Variants in MGMT observed in about 807,000 individuals in gnomAD.
The protein encoded by MGMT is O-6-methylguanine-DNA methyltransferase, also known as methylated-DNA--protein-cysteine methyltransferase.
In MGMT, 14 loss-of-function variants were observed where a neutral mutation model predicts 15.9. That is an observed-to-expected ratio of 0.88 (90% CI 0.58 to 1.37). MGMT has a LOEUF of 1.37. MGMT is among the 40% of genes most tolerant of loss of function. MGMT has a pLI of 0.00. For synonymous variants in MGMT, 130 were observed against 118.2 expected (o/e 1.10, Z -0.65); for missense variants, 282 against 268.1 (o/e 1.05, Z -0.36).
rs1367607348 is a variant in MGMT, at chr10:129,659,710, G to A, written c.126-48185G>A. ...TATTCCATGAGTAGCTGCCAGGAGA[G>A]CTTTTCTGGAACAGTATTAAACTTT... On this transcript the variant is annotated intron_variant, in intron 2 of 4. Coordinates refer to ENST00000651593, the MANE Select transcript of MGMT (RefSeq NM_002412.5). This position sits in a 1 kb window ranked among gnomAD's most constrained non-coding sequence, Gnocchi z 4.1. Among the ~76,000 whole-genome samples the A allele has an allele frequency of 6.6e-6, 1 of 152,212 alleles. No individual in the cohort carries two copies. The highest frequency in any genetic ancestry group is 1.5e-5 in the Non-Finnish European group (1 of 68,034).
intron 2 of MGMT, among the ~76,000 whole-genome samples, chr10:129,679,836 G>A (rs1847827488): frequency 6.6e-6 from 1 of 152,112 alleles, no homozygotes; most frequent in African/African-American, 2.4e-5. Context: ...GCATATACCA[G>A]ACAACACATC....
intron 1 of MGMT, among the ~76,000 whole-genome samples, chr10:129,482,258 G>A (rs1470149743): frequency 6.6e-6 from 1 of 152,150 alleles, no homozygotes; most frequent in Non-Finnish European, 1.5e-5. Context: ...ATCTGCAGGG[G>A]TGAGTTACCT....
chr10:129,647,608 A>G (rs542948628), intron 2 of MGMT, among the ~76,000 whole-genome samples: 2 of 152,372 alleles, frequency 1.3e-5, no homozygotes, highest in South Asian at 2.1e-4. Context: ...ATAGAAAATA[A>G]TAGCCTATTT....
At chr10:129,693,168 A>G (rs1213986840) in intron 2 of MGMT, among the ~76,000 whole-genome samples, 1 of 152,212 alleles carries the variant, frequency 6.6e-6, no homozygotes. Context: ...ACCACAGGAA[A>G]GGAGAACTGA....
At chr10:129,644,397 C>G (rs74160251) in intron 2 of MGMT, among the ~76,000 whole-genome samples, 1,678 of 152,292 alleles carry the variant, frequency 0.011, 34 homozygotes, top group African/African-American at 0.037. Context: ...GGGAGGCTCC[C>G]CTAGGCTGGC....
intron 3 of MGMT, among the ~76,000 whole-genome samples, chr10:129,756,066 C>T (rs747518215): frequency 7.2e-5 from 11 of 152,194 alleles, no homozygotes; most frequent in African/African-American, 1.7e-4. Context: ...CGATTTCTCC[C>T]GTGACCAGCA....
intron 4 of MGMT, among the ~76,000 whole-genome samples, chr10:129,763,392 G>A (rs1326353239): frequency 6.6e-6 from 1 of 152,072 alleles, no homozygotes; most frequent in African/African-American, 2.4e-5. Flanking sequence ...TATTTCTAAC[G>A]GTAAAAATAG....
chr10:129,567,122 A>G (rs1465337589), intron 2 of MGMT, among the ~76,000 whole-genome samples: 1 of 152,140 alleles, frequency 6.6e-6, no homozygotes, highest in Non-Finnish European at 1.5e-5. Flanking sequence ...CTTTTTCACC[A>G]GAAACAAATG....
At chr10:129,472,958 C>T (rs1191659922) in intron 1 of MGMT, among the ~76,000 whole-genome samples, 1 of 152,224 alleles carries the variant, frequency 6.6e-6, no homozygotes, top group Non-Finnish European at 1.5e-5. Flanking sequence ...AGTAGACATT[C>T]TCGACGTGGC....
At chr10:129,526,176 G>T (rs1845868619) in intron 1 of MGMT, among the ~76,000 whole-genome samples, 1 of 152,196 alleles carries the variant, frequency 6.6e-6, no homozygotes, top group Admixed American at 6.5e-5. Context: ...ACGTGGCCAG[G>T]TTTATGATCA....
chr10:129,654,162 A>T (rs1451537771), intron 2 of MGMT, among the ~76,000 whole-genome samples: 1 of 152,132 alleles, frequency 6.6e-6, no homozygotes, highest in Non-Finnish European at 1.5e-5. Flanking sequence ...ATAAAGATGC[A>T]GGTGGGAAGC....
intron 3 of MGMT, among the ~76,000 whole-genome samples, chr10:129,738,820 C>G (rs150997752): frequency 0.015 from 2,230 of 152,268 alleles, 57 homozygotes; most frequent in African/African-American, 0.052. Flanking sequence ...CAGCATCATC[C>G]TAATACCAAA....
At position 129,766,917 on chromosome 10, in the gene MGMT, G is replaced by A. The variant is rs1848944390; in HGVS notation, c.544G>A (p.Gly182Arg). 6.2e-7 allele frequency: 1 copy of A among 1,613,468 alleles called. No individual in the cohort carries two copies. The highest frequency in any genetic ancestry group is 8.5e-7 in the Non-Finnish European group (1 of 1,180,026). ...CCACCGGTTGGGGAAGCCAGGCTTG[G>A]GAGGGAGCTCAGGTCTGGCAGGGGC... Reference protein sequence around the residue: ...EGHRLGKPGLGGSSGLAGAWL... With the variant: ...EGHRLGKPGLRGSSGLAGAWL... The change falls in exon 5 of 5, where the codon GGA becomes AGA. Residue 182 changes from glycine (G) to arginine (R), a missense_variant. Physicochemically the swap from Gly to Arg is moderately radical, Grantham distance 125. Transcript: ENST00000651593.
chr10:129,715,637 A>ATTAATCC (rs1304388937), intron 3 of MGMT: 1 of 152,232 alleles, frequency 6.6e-6, no homozygotes, highest in Non-Finnish European at 1.5e-5. Context: ...AATTCCAGCA[A>ATTAATCC]TAATAAGTAG....
chr10:129,649,971 A>C (rs1847438006), intron 2 of MGMT, among the ~76,000 whole-genome samples: 1 of 152,130 alleles, frequency 6.6e-6, no homozygotes, highest in Non-Finnish European at 1.5e-5. Flanking sequence ...CCTCTTTAGC[A>C]TCTAGAGAGG....
chr10:129,730,909 TAA>T (rs1368382696), intron 3 of MGMT, among the ~76,000 whole-genome samples: 1 of 152,268 alleles, frequency 6.6e-6, no homozygotes, highest in Non-Finnish European at 1.5e-5. Context: ...AGTTTGTGCT[TAA>T]AGTCTTAGGC....
At chr10:129,655,370 A>G (rs1444470031) in intron 2 of MGMT, among the ~76,000 whole-genome samples, 4 of 152,184 alleles carry the variant, frequency 2.6e-5, no homozygotes, top group African/African-American at 9.7e-5. Context: ...GACTCAGTTG[A>G]AGACACATTT....
chr10:129,592,542 G>C (rs1335381586), intron 2 of MGMT, among the ~76,000 whole-genome samples: 1 of 152,190 alleles, frequency 6.6e-6, no homozygotes, highest in Non-Finnish European at 1.5e-5. Context: ...ATGGAACCGT[G>C]CAGACAGTTG....
At chr10:129,687,761 G>A (rs4456176) in intron 2 of MGMT, among the ~76,000 whole-genome samples, 45,220 of 148,768 alleles carry the variant, frequency 0.3, 7,249 homozygotes, top group East Asian at 0.62. Context: ...GGTTTGTTAC[G>A]TATGTATACA....
Sources: gnomAD v4.1 joint callset for allele counts (sites outside exome capture counted in the v4.1 genomes callset) on GRCh38, gnomAD v4.1.1 for gene constraint, Gnocchi (gnomAD v3.1) non-coding constraint, MANE v1.5 for transcripts, NCBI Gene and HGNC (gene_info 2026-07-23, HGNC 2026-07-21) for gene names.